PARP4: variants seen among roughly 807,000 people sequenced by gnomAD.
PARP4 encodes the protein protein mono-ADP-ribosyltransferase PARP4.
In PARP4, 120 loss-of-function variants were observed where a neutral mutation model predicts 187.7. The observed-to-expected ratio is 0.64, with a 90% confidence interval of 0.55 to 0.74. The LOEUF (loss-of-function observed/expected upper bound fraction) is 0.74. PARP4 is among the 30% of genes least tolerant of loss of function. The pLI is 0.00. For missense variants in PARP4, 1,836 were observed against 2,070.5 expected, an observed-to-expected ratio of 0.89 and a Z score of 2.20; for synonymous variants, 654 against 740.9, an observed-to-expected ratio of 0.88 and a Z score of 1.90.
chr13:24,475,450 C>T (rs1396567741), intron 15 of PARP4, 22 bp downstream of exon 15: 3 of 1,607,096 alleles, frequency 1.9e-6, no homozygotes, highest in Non-Finnish European at 2.6e-6. Flanking sequence ...GTTTAAGTGT[C>T]ATAAAGCCAC....
intron 24 of PARP4, among the ~76,000 whole-genome samples, chr13:24,450,721 G>C (rs928628317): frequency 2.0e-5 from 3 of 152,114 alleles, no homozygotes; most frequent in African/African-American, 7.2e-5. Context: ...GAAGATGAGG[G>C]AGAAACACTT....
At chr13:24,511,773 C>T (rs1381755911) in intron 1 of PARP4, among the ~76,000 whole-genome samples, 1 of 152,206 alleles carries the variant, frequency 6.6e-6, no homozygotes, top group Non-Finnish European at 1.5e-5. Context: ...TTACTAAAAA[C>T]TCTCACGTAT....
intron 20 of PARP4, among the ~76,000 whole-genome samples, chr13:24,457,770 CAAAAAAAA>C (rs33930012): frequency 2.8e-4 from 24 of 85,666 alleles, no homozygotes; most frequent in African/African-American, 1.1e-3. Flanking sequence ...GACTCTGTCT[CAAAAAAAA>C]AAAAAAAAAA....
At chr13:24,503,036 T>C (rs1869397151) in intron 2 of PARP4, among the ~76,000 whole-genome samples, 1 of 152,212 alleles carries the variant, frequency 6.6e-6, no homozygotes, top group Non-Finnish European at 1.5e-5. Flanking sequence ...TTTCTATTTT[T>C]ACAGTGAGGT....
rs757480524 is a variant in PARP4, at chr13:24,455,217, A to G, written c.2563-5T>C. 3 of 1,571,168 alleles carry G rather than the reference A, an allele frequency of 1.9e-6. No homozygotes were observed. In the South Asian group the frequency reaches 3.4e-5, roughly 18 times the overall value. On this transcript the variant is annotated splice_polypyrimidine_tract_variant and splice_region_variant and intron_variant, in intron 21 of 33. Transcript: ENST00000381989. ...TTGAAAGACAAGCATGCAAGCCTGAAAGGAGAAAGAAGGTGCTGGACTGGA... is the reference window on the plus strand; with the variant it reads ...TTGAAAGACAAGCATGCAAGCCTGAGAGGAGAAAGAAGGTGCTGGACTGGA...
intron 22 of PARP4, 143 bp downstream of exon 22, chr13:24,454,874 C>G (rs1758206547): frequency 1.7e-6 from 1 of 602,206 alleles, no homozygotes; most frequent in African/African-American, 1.8e-5. Flanking sequence ...GGGGGTCCAG[C>G]TCCAGAGCTC....
intron 1 of PARP4, 93 bp from the exon 2 acceptor site, chr13:24,503,870 C>A: frequency 9.1e-7 from 1 of 1,096,398 alleles, no homozygotes; most frequent in Non-Finnish European, 1.4e-6. Context: ...GAAAATTGGG[C>A]ATTATCTTAA....
rs1870995814 is a variant in PARP4 at position 24,442,611 on chromosome 13, G to C, written c.3522C>G (p.Ser1174Arg). Residue 1174 changes from serine (S) to arginine (R), a missense_variant, in exon 29 of 34, where the codon AGC becomes AGG. Physicochemically the swap from Ser to Arg is moderately radical, Grantham distance 110. This residue lies in a region of PARP4 where 47 missense variants were observed against 99.5 expected (regional missense o/e 0.47). Transcript: ENST00000381989. ...KENSLITQFT[S>R]FVAVEKRDEN... ...ATACCCTTTTCTCAACTGCCACAAAGCTTGTAAATTGTGTTATGAGAGAGT... is the reference window on the plus strand; with the variant it reads ...ATACCCTTTTCTCAACTGCCACAAACCTTGTAAATTGTGTTATGAGAGAGT... The C allele has an allele frequency of 6.3e-7, 1 of 1,587,886 alleles. No homozygotes were observed. The highest frequency in any genetic ancestry group is 1.3e-5 in the African/African-American group (1 of 74,434).
chr13:24,501,825 T>C lies in PARP4; in HGVS notation c.142A>G (p.Ile48Val), dbSNP rs1321502031. 3 of 1,603,834 alleles carry C rather than the reference T, an allele frequency of 1.9e-6. No individual in the cohort carries two copies. Among genetic ancestry groups the C allele is most frequent in the East Asian group, 2.2e-5 (1 of 44,832 alleles). ...SFSLNPQCTH[I>V]ILDNADVLSQ... is the part of the protein sequence containing the mutation. ...AGAACATCAGCATTATCTAAGATTA[T>C]ATGTGTGCACTAAGGAAAAAAAGAG... Residue 48 changes from isoleucine (I) to valine (V), a missense_variant, in exon 3 of 34, where the codon ATA becomes GTA. Transcript: ENST00000381989.
chr13:24,460,788 A>G (rs1044462906), intron 17 of PARP4, among the ~76,000 whole-genome samples: 3 of 152,116 alleles, frequency 2.0e-5, no homozygotes, highest in African/African-American at 7.2e-5. Flanking sequence ...CCCCAGGTCT[A>G]AGCCATCCTC....
At chr13:24,429,384 A>C (rs920947799) in intron 32 of PARP4, among the ~76,000 whole-genome samples, 1 of 152,064 alleles carries the variant, frequency 6.6e-6, no homozygotes, top group African/African-American at 2.4e-5. Context: ...TATGTTATTA[A>C]ATTTTCATTC....
At position 24,503,770 on chromosome 13, in the gene PARP4, T is replaced by C; in HGVS notation, c.7A>G (p.Met3Val). The stretch of plus-strand genomic sequence containing the variant: ...AAGATACAATTTGCAAAGATTCCCA[T>C]CACCATCCTGTAGGAAAAAAAGTTT... Reference protein sequence around the residue: MVMGIFANCIFCL... With the variant: MVVGIFANCIFCL... Residue 3 changes from methionine to valine, a missense_variant, in exon 2 of 34, where the codon ATG (methionine) becomes GTG (valine). By Grantham distance (21) the Met-to-Val change is conservative. This residue lies in a region of PARP4 where 1,147 missense variants were observed against 1,214.2 expected (regional missense o/e 0.94). Transcript: ENST00000381989. The C allele has an allele frequency of 6.2e-7, 1 of 1,613,908 alleles. No individual in the cohort carries two copies. Among genetic ancestry groups the C allele is most frequent in the Middle Eastern group, 1.7e-4 (1 of 6,058 alleles).
intron 18 of PARP4, 175 bp from the exon 19 acceptor site, chr13:24,459,485 C>T (rs1319264466): frequency 1.8e-6 from 1 of 547,084 alleles, no homozygotes; most frequent in East Asian, 3.2e-5. Context: ...TAAAATACAA[C>T]TCACCATTTT....
Position 24,435,207 on chromosome 13 carries a change from T to A in PARP4, c.3934A>T (p.Thr1312Ser), listed in dbSNP as rs765768664. The A allele has an allele frequency of 6.2e-7, 1 of 1,614,132 alleles. No homozygotes were observed. The highest frequency in any genetic ancestry group is 1.7e-5 in the Admixed American group (1 of 60,018). ...GCCAAAATAGGAAAAAAGCTAGAAG[T>A]AGATGTTTCCCATGGACTGACTTTC... ...FKKVSPWETS[T>S]SSFFPILAPA... Residue 1312 changes from threonine (T) to serine (S), a missense_variant, in exon 31 of 34, where the codon ACT (threonine) becomes TCT (serine). Physicochemically the swap from Thr to Ser is moderately conservative, Grantham distance 58 (BLOSUM62 1). Coordinates refer to ENST00000381989, the MANE Select transcript of PARP4 (RefSeq NM_006437.4).
intron 15 of PARP4, among the ~76,000 whole-genome samples, chr13:24,473,873 C>T (rs1872845078): frequency 6.6e-6 from 1 of 152,172 alleles, no homozygotes; most frequent in Non-Finnish European, 1.5e-5. Flanking sequence ...CCGCTCCCTC[C>T]TGGTCTCTGT....
At position 24,477,679 on chromosome 13, in the gene PARP4, GCATT is replaced by G; in HGVS notation, c.1789+18_1789+21del. 7.3e-7 allele frequency: 1 copy of G among 1,367,668 alleles called. No individual in the cohort carries two copies. The highest frequency in any genetic ancestry group is 1.0e-6 in the Non-Finnish European group (1 of 980,048). 84.7% of individuals were successfully genotyped at this position (1,367,668 alleles called of 1,614,324 possible). A position where few individuals can be genotyped will look rare whatever the true frequency, so the allele number is the denominator to read the frequency against. ...TCTATAAATATAATAACATAAAACA[GCATT>G]CAAGAAAATTGTCCTACCTTCAACC... On this transcript the variant is annotated intron_variant, in intron 14 of 33. Transcript: ENST00000381989.
chr13:24,489,588 G>A (rs967925578), intron 10 of PARP4, among the ~76,000 whole-genome samples: 5 of 152,144 alleles, frequency 3.3e-5, no homozygotes, highest in African/African-American at 9.7e-5. Flanking sequence ...CAGCCTGGGC[G>A]ACAGAGCGAG....
At chr13:24,461,579 A>C (rs1203268835) in intron 17 of PARP4, among the ~76,000 whole-genome samples, 1 of 152,140 alleles carries the variant, frequency 6.6e-6, no homozygotes, top group Non-Finnish European at 1.5e-5. Flanking sequence ...GGAGCTCCTG[A>C]CCCAAGGGGA....
chr13:24,504,897 G>T (rs560046631), intron 1 of PARP4, among the ~76,000 whole-genome samples: 204 of 150,964 alleles, frequency 1.4e-3, no homozygotes, highest in African/African-American at 4.8e-3. Flanking sequence ...GTTTTACCAT[G>T]TTGGCCAGGC....
Sources: allele counts gnomAD v4.1 joint callset (sites outside exome capture counted in the v4.1 genomes callset), GRCh38; gene constraint gnomAD v4.1.1; regional missense constraint gnomAD v4.1.1; transcripts MANE v1.5; gene names NCBI Gene and HGNC (gene_info 2026-07-23, HGNC 2026-07-21).